The following CCDC85C variants were observed in gnomAD, a reference collection of about 807,000 sequenced individuals.
CCDC85C encodes coiled-coil domain-containing protein 85C.
A neutral mutation model predicts 38.3 loss-of-function variants in CCDC85C; 18 were observed. The ratio of observed to expected loss-of-function variants is 0.47; its 90% CI spans 0.33 to 0.70. The LOEUF is 0.70. CCDC85C is among the 30% of genes least tolerant of loss of function. CCDC85C has a pLI of 0.03. For missense variants in CCDC85C, 566 were observed against 621.2 expected, an observed-to-expected ratio of 0.91 and a Z score of 0.94; for synonymous variants, 264 against 293.8, an observed-to-expected ratio of 0.90 and a Z score of 1.04.
chr14:99,572,887 C>T lies in CCDC85C; in HGVS notation c.793+30280G>A. ...CTAAGGAAGGAATGTCTGCCCAAGTCCCAGGCAGGGTGGGAGGCACGGACC... is the reference window on the plus strand; with the variant it reads ...CTAAGGAAGGAATGTCTGCCCAAGTTCCAGGCAGGGTGGGAGGCACGGACC... On this transcript the variant is annotated intron_variant, in intron 1 of 5. Coordinates refer to ENST00000380243, the MANE Select transcript of CCDC85C (RefSeq NM_001144995.2). The surrounding 1 kb of genome is among the most constrained non-coding windows in gnomAD (Gnocchi z 4.4). 1 of 452,096 alleles carries T rather than the reference C, an allele frequency of 2.2e-6. No individual in the cohort carries two copies. Among genetic ancestry groups the T allele is most frequent in the South Asian group, 1.6e-5 (1 of 64,168 alleles). 28.0% of individuals were successfully genotyped at this position (452,096 alleles called of 1,614,324 possible). A position where few individuals can be genotyped will look rare whatever the true frequency, so the allele number is the denominator to read the frequency against.
intron 1 of CCDC85C, among the ~76,000 whole-genome samples, chr14:99,586,945 C>G (rs1019646865): frequency 1.3e-5 from 2 of 152,244 alleles, no homozygotes; most frequent in African/African-American, 4.8e-5. Context: ...CCCGCGCTCA[C>G]AGAGGGCCTC....
chr14:99,523,897 G>A lies in CCDC85C; in HGVS notation c.868-1657C>T, dbSNP rs369221646. On this transcript the variant is annotated intron_variant, in intron 2 of 5. Coordinates refer to ENST00000380243, the MANE Select transcript of CCDC85C (RefSeq NM_001144995.2). ...GGTTAACTAGAGGCACTCACGGCCC[G>A]CAGGTGGAGGTCAGATCAAGGAAAG... 4.2e-4 allele frequency among the ~76,000 whole-genome samples: 64 copies of A among 152,108 alleles called. No individual in the cohort carries two copies. The East Asian group carries it at 9.5e-3, about 23-fold the overall frequency.
Position 99,522,386 on chromosome 14 carries a change from C to T in CCDC85C, c.868-146G>A, listed in dbSNP as rs573505284. On this transcript the variant is annotated intron_variant, in intron 2 of 5. Transcript: ENST00000380243. ...CACCCTCCCCTCCACACCGCTTATC[C>T]ATCCCCCGAGCCGGGATCAATCGAT... is the stretch of plus-strand genomic sequence containing the variant. 1.0e-5 allele frequency: 6 copies of T among 591,756 alleles called. No individual in the cohort carries two copies. The South Asian group carries it at 1.0e-4, about 10-fold the overall frequency. 36.7% of individuals were successfully genotyped at this position (591,756 alleles called of 1,614,324 possible). A position where few individuals can be genotyped will look rare whatever the true frequency, so the allele number is the denominator to read the frequency against.
rs375815001 is a variant in CCDC85C, at chr14:99,558,709, G to A, written c.794-22621C>T. 1.6e-4 allele frequency among the ~76,000 whole-genome samples: 25 copies of A among 152,196 alleles called. No homozygotes were observed. Among genetic ancestry groups the A allele is most frequent in the African/African-American group, 1.9e-4 (8 of 41,444 alleles). On this transcript the variant is annotated intron_variant, in intron 1 of 5. Coordinates refer to ENST00000380243, the MANE Select transcript of CCDC85C (RefSeq NM_001144995.2). The surrounding 1 kb of genome is among the most constrained non-coding windows in gnomAD (Gnocchi z 4.2). The stretch of plus-strand genomic sequence containing the variant: ...AGGGCAAATGGAAACAGAGGAGGCC[G>A]GATGGAAAGAAAGGCAGACATGGGA...
intron 2 of CCDC85C, among the ~76,000 whole-genome samples, chr14:99,528,486 C>T (rs764267272): frequency 6.6e-6 from 1 of 152,302 alleles, no homozygotes; most frequent in Admixed American, 6.5e-5. Flanking sequence ...GCCATGTGCC[C>T]GGCACTGGGT....
At chr14:99,523,716 AC>A (rs1328000905) in intron 2 of CCDC85C, among the ~76,000 whole-genome samples, 3 of 152,064 alleles carry the variant, frequency 2.0e-5, no homozygotes, top group Non-Finnish European at 4.4e-5. Context: ...GTGGGAACCA[AC>A]CTTCCTGCAG....
intron 1 of CCDC85C, among the ~76,000 whole-genome samples, chr14:99,547,534 G>A (rs1897829166): frequency 6.6e-6 from 1 of 152,158 alleles, no homozygotes. Flanking sequence ...AGCACTTTGA[G>A]AGGCTGAGGC....
chr14:99,598,530 G>T lies in CCDC85C; in HGVS notation c.793+4637C>A, dbSNP rs149702659. On this transcript the variant is annotated intron_variant, in intron 1 of 5. Coordinates refer to ENST00000380243, the MANE Select transcript of CCDC85C (RefSeq NM_001144995.2). ...TAGGGAAGGTGGCCCACCCTGCACC[G>T]CCTTCCCCCACTCCTCCATGCCAGG... Among the ~76,000 whole-genome samples the T allele has an allele frequency of 4.6e-5, 7 of 152,260 alleles. No homozygotes were observed. In the East Asian group the frequency reaches 1.4e-3, roughly 29 times the overall value.
intron 1 of CCDC85C, among the ~76,000 whole-genome samples, chr14:99,582,807 C>CCG (rs1417032672): frequency 1.3e-5 from 2 of 151,906 alleles, no homozygotes; most frequent in African/African-American, 2.4e-5. Context: ...GAGCAAGACT[C>CCG]CGTCTCAAAA....
chr14:99,534,995 G>A (rs1897565916), intron 2 of CCDC85C: 2 of 432,536 alleles, frequency 4.6e-6, no homozygotes, highest in Non-Finnish European at 8.4e-6. Context: ...CAGGCCCTGG[G>A]AACCTTCCCC....
chr14:99,568,529 C>T (rs1898268913), intron 1 of CCDC85C, among the ~76,000 whole-genome samples: 1 of 152,114 alleles, frequency 6.6e-6, no homozygotes, highest in African/African-American at 2.4e-5. Context: ...GACAGCACCC[C>T]CACTACCACA....
chr14:99,525,680 G>A (rs1035049262), intron 2 of CCDC85C, among the ~76,000 whole-genome samples: 3 of 152,222 alleles, frequency 2.0e-5, no homozygotes, highest in Admixed American at 6.5e-5. Context: ...CTGGGGGTGC[G>A]GGTGGAGGCA....
In CCDC85C at chr14:99,504,769, T is replaced by G. The variant is rs1033507568; in HGVS notation, c.*10477A>C. On this transcript the variant is annotated 3_prime_UTR_variant, in exon 6 of 6. Transcript: ENST00000380243. ...CCAGCCTACAGGTGAATTTTTTAAT[T>G]AGCTTCAAATTGACCGACATTAAAT... 1 of 152,172 alleles carries G rather than the reference T, an allele frequency of 6.6e-6. No individual in the cohort carries two copies. The highest frequency in any genetic ancestry group is 2.4e-5 in the African/African-American group (1 of 41,428). 9.4% of individuals were successfully genotyped at this position (152,172 alleles called of 1,614,324 possible).
intron 1 of CCDC85C, among the ~76,000 whole-genome samples, chr14:99,539,316 T>C (rs1897666095): frequency 6.6e-6 from 1 of 151,476 alleles, no homozygotes; most frequent in Admixed American, 6.6e-5. Context: ...ACTAAAAATA[T>C]AAAATTAGCT....
In CCDC85C at chr14:99,514,106, G is replaced by T. The variant is rs867538691; in HGVS notation, c.*1140C>A. 6.6e-6 allele frequency: 1 copy of T among 152,356 alleles called. No homozygotes were observed. Among genetic ancestry groups the T allele is most frequent in the African/African-American group, 2.4e-5 (1 of 41,476 alleles). The allele number at this position is 152,356 out of a possible 1,614,324, so 9.4% of individuals were successfully genotyped here. On this transcript the variant is annotated 3_prime_UTR_variant, in exon 6 of 6. Transcript: ENST00000380243. ...CCCGGCCCGCCCTCAGCCGTCGGCT[G>T]TTGGCTCACGCCCCCTCAGTGAGGA...
chr14:99,537,722 A>G (rs1897631483), intron 1 of CCDC85C, among the ~76,000 whole-genome samples: 1 of 152,130 alleles, frequency 6.6e-6, no homozygotes, highest in South Asian at 2.1e-4. Flanking sequence ...GGGTGACCTC[A>G]GAGCCTCACA....
In CCDC85C at chr14:99,548,315, G is replaced by A. The variant is rs570360349; in HGVS notation, c.794-12227C>T. Among the ~76,000 whole-genome samples, 4 of 152,250 alleles carry A rather than the reference G, an allele frequency of 2.6e-5. No individual in the cohort carries two copies. The highest frequency in any genetic ancestry group is 2.1e-4 in the South Asian group (1 of 4,820). Reference sequence around the variant, plus strand: ...GAAGTCTGTGAGGAGACGCCCAACCGCAGGTGTCATCAAGGAAACCCAATT... The same window carrying A: ...GAAGTCTGTGAGGAGACGCCCAACCACAGGTGTCATCAAGGAAACCCAATT... On this transcript the variant is annotated intron_variant, in intron 1 of 5. Coordinates refer to ENST00000380243, the MANE Select transcript of CCDC85C (RefSeq NM_001144995.2). This position sits in a 1 kb window ranked among gnomAD's most constrained non-coding sequence, Gnocchi z 4.9.
In CCDC85C at chr14:99,573,495, T is replaced by C. The variant is rs559731971; in HGVS notation, c.793+29672A>G. ...AGGCCATGCCTTTGAGGTCCGGCGC[T>C]CCTCCCCCACCCTGGGCCTCAGTCT... On this transcript the variant is annotated intron_variant, in intron 1 of 5. Coordinates refer to ENST00000380243, the MANE Select transcript of CCDC85C (RefSeq NM_001144995.2). 1.2e-3 allele frequency among the ~76,000 whole-genome samples: 181 copies of C among 152,214 alleles called. 1 individual carries two copies. Among genetic ancestry groups the C allele is most frequent in the East Asian group, 9.9e-3 (51 of 5,168 alleles).
chr14:99,590,235 GA>G (rs1383283644), intron 1 of CCDC85C, among the ~76,000 whole-genome samples: 3 of 151,974 alleles, frequency 2.0e-5, no homozygotes, highest in Non-Finnish European at 4.4e-5. Flanking sequence ...TAGTCTTGGG[GA>G]CTACCCTCCA....
Sources: gnomAD v4.1 joint callset for allele counts (sites outside exome capture counted in the v4.1 genomes callset) on GRCh38, gnomAD v4.1.1 for gene constraint, Gnocchi (gnomAD v3.1) non-coding constraint, MANE v1.5 for transcripts, NCBI Gene and HGNC (gene_info 2026-07-23, HGNC 2026-07-21) for gene names.